Variants in GRM7 observed in about 807,000 individuals in gnomAD.
The protein encoded by GRM7 is metabotropic glutamate receptor 7.
GRM7 carries 35 observed loss-of-function variants against 84.5 expected under a neutral mutation model. The observed-to-expected ratio is 0.41, with a 90% CI of 0.32 to 0.55. GRM7 has a LOEUF of 0.55. Ranked by LOEUF, GRM7 falls within the 20% of genes least tolerant of loss-of-function variation. GRM7 has a pLI of 0.19. For missense variants in GRM7, 1,003 were observed against 1,194.6 expected (o/e 0.84, Z 2.36); for synonymous variants, 487 against 455.1 (o/e 1.07, Z -0.89).
chr3:7,621,051 G>A (rs1039961474), intron 8 of GRM7, among the ~76,000 whole-genome samples: 31 of 151,984 alleles, frequency 2.0e-4, no homozygotes, highest in African/African-American at 7.3e-4. Flanking sequence ...CTGTAGAAAC[G>A]GGATGCATTT....
chr3:7,495,565 C>T (rs1699671144), intron 7 of GRM7, among the ~76,000 whole-genome samples: 1 of 152,088 alleles, frequency 6.6e-6, no homozygotes, highest in South Asian at 2.1e-4. Flanking sequence ...GCCTTCCCTG[C>T]CCATCTCAGT....
At chr3:7,077,532 T>C (rs1166788085) in intron 1 of GRM7, among the ~76,000 whole-genome samples, 3 of 144,974 alleles carry the variant, frequency 2.1e-5, no homozygotes, top group Non-Finnish European at 4.5e-5. Flanking sequence ...TGAGAACATG[T>C]TGATACAGGG....
intron 7 of GRM7, among the ~76,000 whole-genome samples, chr3:7,535,801 GA>G (rs1361732732): frequency 6.6e-6 from 1 of 152,192 alleles, no homozygotes; most frequent in African/African-American, 2.4e-5. Context: ...GTCCAAAGGG[GA>G]TTTAAATCCA....
At chr3:7,279,161 G>A (rs1699172447) in intron 2 of GRM7, among the ~76,000 whole-genome samples, 1 of 152,144 alleles carries the variant, frequency 6.6e-6, no homozygotes, top group Non-Finnish European at 1.5e-5. Flanking sequence ...AAATACTGGA[G>A]TGATTTGTTA....
At position 7,555,121 on chromosome 3, in the gene GRM7, A is replaced by G. The variant is rs141759386; in HGVS notation, c.1516-23301A>G. Among the ~76,000 whole-genome samples the G allele has an allele frequency of 6.5e-3, 992 of 152,306 alleles. 9 individuals carry two copies. The highest frequency in any genetic ancestry group is 0.022 in the African/African-American group (921 of 41,568). On this transcript the variant is annotated intron_variant, in intron 7 of 9. Coordinates refer to ENST00000357716, the MANE Select transcript of GRM7 (RefSeq NM_000844.4). ...TCCATGTCTCATTCTTCTCAGTTGT[A>G]AAATGTGGATGACACTTGTGAGAAA...
intron 7 of GRM7, among the ~76,000 whole-genome samples, chr3:7,521,949 A>C (rs1018547642): frequency 6.6e-6 from 1 of 152,144 alleles, no homozygotes; most frequent in African/African-American, 2.4e-5. Flanking sequence ...CCACATGGAC[A>C]GTTCTATTCT....
intron 2 of GRM7, among the ~76,000 whole-genome samples, chr3:7,157,829 C>T (rs919659344): frequency 2.0e-5 from 3 of 151,806 alleles, no homozygotes; most frequent in African/African-American, 4.8e-5. Flanking sequence ...AGGCCTTGTT[C>T]CTGCATTCTT....
intron 4 of GRM7, among the ~76,000 whole-genome samples, chr3:7,333,458 C>T (rs1181089155): frequency 3.9e-5 from 6 of 152,192 alleles, no homozygotes; most frequent in South Asian, 2.1e-4. Context: ...ATCGAGGGAT[C>T]GCCCCATGGG....
intron 1 of GRM7, among the ~76,000 whole-genome samples, chr3:6,913,960 C>T (rs1422445751): frequency 6.6e-6 from 1 of 152,174 alleles, no homozygotes; most frequent in Non-Finnish European, 1.5e-5. Flanking sequence ...ATACTCCTGT[C>T]TTTAAAAACT....
intron 4 of GRM7, among the ~76,000 whole-genome samples, chr3:7,352,057 CCACACACACACACACACACACACACA>C (rs56873432): frequency 7.3e-6 from 1 of 136,894 alleles, no homozygotes; most frequent in Non-Finnish European, 1.6e-5. Context: ...CACACACACA[CCACACACACACACACACACACACACA>C]CACACACACA....
chr3:7,064,750 T>C (rs1697587938), intron 1 of GRM7, among the ~76,000 whole-genome samples: 1 of 151,604 alleles, frequency 6.6e-6, no homozygotes, highest in South Asian at 2.1e-4. Context: ...ATTATACTTG[T>C]AGTTCTTTAA....
At chr3:7,677,282 A>AAC (rs1559481686) in intron 8 of GRM7, among the ~76,000 whole-genome samples, 2 of 150,526 alleles carry the variant, frequency 1.3e-5, no homozygotes, top group African/African-American at 4.9e-5. Context: ...AAAAAAAAAA[A>AAC]AAAAAAAAAA....
rs1035419400 is a variant in GRM7 at position 7,658,631 on chromosome 3, A to C, written c.2452-21418A>C. On this transcript the variant is annotated intron_variant, in intron 8 of 9. Coordinates refer to ENST00000357716, the MANE Select transcript of GRM7 (RefSeq NM_000844.4). The stretch of plus-strand genomic sequence containing the variant: ...CCTCTGTGAAAAATGCTGTTTAGGC[A>C]ATTTAAAGGGATTATTTGGGGGGAA... Among the ~76,000 whole-genome samples the C allele has an allele frequency of 2.6e-5, 4 of 152,324 alleles. 1 individual carries two copies.
At chr3:7,130,878 A>G (rs544087071) in intron 1 of GRM7, among the ~76,000 whole-genome samples, 5 of 152,114 alleles carry the variant, frequency 3.3e-5, no homozygotes, top group African/African-American at 9.7e-5. Context: ...AAGGGAACCT[A>G]CCAGGCTACT....
In GRM7 at chr3:7,511,829, C is replaced by A. The variant is rs1165063914; in HGVS notation, c.1515+50107C>A. Among the ~76,000 whole-genome samples the A allele has an allele frequency of 3.3e-5, 5 of 152,080 alleles. No individual in the cohort carries two copies. The South Asian group carries it at 8.3e-4, about 25-fold the overall frequency. ...TATGTCCAGTCTTTTTCCTCAGGAG[C>A]TATTGCCTAAAATTAAAAATGACCA... On this transcript the variant is annotated intron_variant, in intron 7 of 9. Transcript: ENST00000357716.
At chr3:7,333,224 C>T (rs568726874) in intron 4 of GRM7, among the ~76,000 whole-genome samples, 1 of 152,162 alleles carries the variant, frequency 6.6e-6, no homozygotes, top group Non-Finnish European at 1.5e-5. Flanking sequence ...CAAAACTACA[C>T]CCAAAGACTC....
intron 4 of GRM7, among the ~76,000 whole-genome samples, chr3:7,398,831 A>G (rs964693840): frequency 2.0e-5 from 3 of 152,058 alleles, no homozygotes; most frequent in Non-Finnish European, 2.9e-5. Flanking sequence ...ATGGCCATGA[A>G]GCCAACCCTG....
intron 7 of GRM7, among the ~76,000 whole-genome samples, chr3:7,516,506 GAAAT>G (rs780455912): frequency 0.12 from 11,962 of 100,226 alleles, 1,126 homozygotes; most frequent in Non-Finnish European, 0.16. Context: ...AAAAAAAAAA[GAAAT>G]AGTTAGTTCA....
chr3:7,445,965 C>T (rs1170737229), intron 5 of GRM7, among the ~76,000 whole-genome samples: 1 of 151,502 alleles, frequency 6.6e-6, no homozygotes, highest in Non-Finnish European at 1.5e-5. Context: ...CAGAATATAG[C>T]AGTTTGTCAC....
Sources: gnomAD v4.1 joint callset for allele counts (sites outside exome capture counted in the v4.1 genomes callset) on GRCh38, gnomAD v4.1.1 for gene constraint, MANE v1.5 for transcripts, NCBI Gene and HGNC (gene_info 2026-07-23, HGNC 2026-07-21) for gene names.